The following PPARG variants were observed in gnomAD, a reference collection of about 807,000 sequenced individuals.
PPARG encodes the protein peroxisome proliferator activated receptor gamma.
In PPARG, 17 loss-of-function variants were observed where a neutral mutation model predicts 39.2. The ratio of observed to expected loss-of-function variants is 0.43; its 90% CI spans 0.30 to 0.65. PPARG has a LOEUF of 0.65. PPARG is among the 30% of genes least tolerant of loss of function. PPARG has a pLI of 0.13. For synonymous variants in PPARG, 223 were observed against 215.7 expected (o/e 1.03, Z -0.30); for missense variants, 406 against 585.9 (o/e 0.69, Z 3.17).
chr3:12,327,908 A>T, intron 2 of PPARG: 1 of 611,954 alleles, frequency 1.6e-6, no homozygotes, highest in South Asian at 2.0e-5. Context: ...GTATCTACAT[A>T]GCACTTTAAA....
chr3:12,377,357 A>T (rs2049452120), intron 2 of PPARG, among the ~76,000 whole-genome samples: 1 of 151,938 alleles, frequency 6.6e-6, no homozygotes, highest in African/African-American at 2.4e-5. Flanking sequence ...TCTGATTTTG[A>T]CACTCTCGGG....
intron 2 of PPARG, among the ~76,000 whole-genome samples, chr3:12,346,178 G>A (rs113542888): frequency 3.9e-5 from 6 of 152,256 alleles, no homozygotes; most frequent in African/African-American, 1.4e-4. Flanking sequence ...TTGAAGCTGG[G>A]CAGAAAAGGA....
intron 1 of PPARG, chr3:12,297,866 T>A (rs2046826691): frequency 6.6e-6 from 1 of 152,148 alleles, no homozygotes; most frequent in African/African-American, 2.4e-5. Context: ...GACCTCATGA[T>A]AGAGTTACCC....
chr3:12,398,230 T>A (rs2050337130), intron 5 of PPARG, among the ~76,000 whole-genome samples: 1 of 150,858 alleles, frequency 6.6e-6, no homozygotes, highest in African/African-American at 2.4e-5. Flanking sequence ...GAAATCCATC[T>A]GAAGACCAAT....
chr3:12,308,460 G>A (rs928030944), intron 1 of PPARG, among the ~76,000 whole-genome samples: 4 of 151,760 alleles, frequency 2.6e-5, no homozygotes, highest in South Asian at 4.2e-4. Flanking sequence ...GGCAGAGACC[G>A]TGGTGTGCTG....
At chr3:12,432,893 T>C (rs192050737) in intron 7 of PPARG, among the ~76,000 whole-genome samples, 3 of 152,308 alleles carry the variant, frequency 2.0e-5, no homozygotes, top group Admixed American at 6.5e-5. Flanking sequence ...ATAAAGTATT[T>C]GAGAATAAAT....
At chr3:12,290,944 C>T (rs2046634018) in intron 1 of PPARG, among the ~76,000 whole-genome samples, 1 of 152,122 alleles carries the variant, frequency 6.6e-6, no homozygotes, top group Non-Finnish European at 1.5e-5. Flanking sequence ...CACTTCTTTC[C>T]TAGCATCTAT....
At chr3:12,402,448 T>C (rs1480610171) in intron 5 of PPARG, among the ~76,000 whole-genome samples, 1 of 152,204 alleles carries the variant, frequency 6.6e-6, no homozygotes, top group Non-Finnish European at 1.5e-5. Flanking sequence ...CCATCAAACA[T>C]TTATTGTTAA....
chr3:12,323,002 C>G (rs1272112704), intron 2 of PPARG, among the ~76,000 whole-genome samples: 1 of 151,680 alleles, frequency 6.6e-6, no homozygotes, highest in Non-Finnish European at 1.5e-5. Context: ...GGTGGAATCT[C>G]GCTATGTTGG....
At chr3:12,295,760 C>A (rs866245751) in intron 1 of PPARG, among the ~76,000 whole-genome samples, 2 of 152,146 alleles carry the variant, frequency 1.3e-5, no homozygotes, top group South Asian at 2.1e-4. Context: ...GGAGATCCAC[C>A]TGCCTCGGCC....
chr3:12,322,261 G>A (rs1394358282), intron 2 of PPARG, among the ~76,000 whole-genome samples: 1 of 152,236 alleles, frequency 6.6e-6, no homozygotes, highest in Non-Finnish European at 1.5e-5. Context: ...GGGCTTCTAA[G>A]TCACATGAAA....
chr3:12,309,954 T>A (rs1473939080), intron 1 of PPARG, among the ~76,000 whole-genome samples: 2 of 152,218 alleles, frequency 1.3e-5, no homozygotes, highest in African/African-American at 4.8e-5. Context: ...AGGGTGTTTA[T>A]AATCGAATGA....
At chr3:12,421,748 C>T (rs2051270152) in intron 7 of PPARG, among the ~76,000 whole-genome samples, 1 of 152,356 alleles carries the variant, frequency 6.6e-6, no homozygotes, top group Non-Finnish European at 1.5e-5. Flanking sequence ...GATATCACTA[C>T]AACGGCTGCA....
At chr3:12,371,268 T>G (rs1394327120) in intron 2 of PPARG, among the ~76,000 whole-genome samples, 1 of 152,150 alleles carries the variant, frequency 6.6e-6, no homozygotes, top group South Asian at 2.1e-4. Context: ...AGGGTTGGAT[T>G]GGAACCTCGG....
chr3:12,354,079 A>G (rs1409879520), intron 2 of PPARG, among the ~76,000 whole-genome samples: 2 of 152,196 alleles, frequency 1.3e-5, no homozygotes. Flanking sequence ...GATAGGAGTG[A>G]GTGATTGATT....
At chr3:12,422,218 G>A (rs7623946) in intron 7 of PPARG, among the ~76,000 whole-genome samples, 67 of 152,286 alleles carry the variant, frequency 4.4e-4, no homozygotes, top group Non-Finnish European at 8.1e-4. Flanking sequence ...CCTACCATTC[G>A]TTGAAAGCTT....
intron 2 of PPARG, among the ~76,000 whole-genome samples, chr3:12,367,500 C>T (rs1467415674): frequency 1.3e-5 from 2 of 151,976 alleles, no homozygotes; most frequent in African/African-American, 4.8e-5. Context: ...TCAGGACCAG[C>T]GTAAGCAAAC....
At chr3:12,323,579 A>T (rs1352362955) in intron 2 of PPARG, among the ~76,000 whole-genome samples, 2 of 152,164 alleles carry the variant, frequency 1.3e-5, no homozygotes, top group Admixed American at 1.3e-4. Context: ...ATGAATTATC[A>T]TTGTCCCTAT....
intron 4 of PPARG, 43 bp downstream of exon 4, chr3:12,381,534 T>G (rs1172287274): frequency 3.1e-6 from 5 of 1,591,456 alleles, no homozygotes; most frequent in African/African-American, 1.3e-5. Context: ...TGAAACTTTA[T>G]TATTTCATTT....
Sources: allele counts gnomAD v4.1 joint callset (sites outside exome capture counted in the v4.1 genomes callset), GRCh38; gene constraint gnomAD v4.1.1; transcripts MANE v1.5; gene names NCBI Gene and HGNC (gene_info 2026-07-23, HGNC 2026-07-21).